The following NEDD4L variants were observed in gnomAD, a reference collection of about 807,000 sequenced individuals.
NEDD4L encodes the protein NEDD4 like E3 ubiquitin protein ligase.
Under a neutral mutation model 148.9 loss-of-function variants are expected in NEDD4L, and 54 were observed. That is an observed-to-expected ratio of 0.36 (90% CI 0.29 to 0.45). NEDD4L has a LOEUF of 0.45. NEDD4L is among the 20% of genes least tolerant of loss of function. The pLI, the probability that NEDD4L is intolerant of heterozygous loss-of-function variation, is 1.00. For synonymous variants in NEDD4L, 433 were observed against 440.7 expected, an observed-to-expected ratio of 0.98 and a Z score of 0.22; for missense variants, 856 against 1,233.8, an observed-to-expected ratio of 0.69 and a Z score of 4.59.
chr18:58,195,493 C>G, intron 2 of NEDD4L: 2 of 1,344,502 alleles, frequency 1.5e-6, no homozygotes, highest in Non-Finnish European at 2.0e-6. Flanking sequence ...CGAGGGTGCC[C>G]GGGTGGGTGG....
intron 2 of NEDD4L, among the ~76,000 whole-genome samples, chr18:58,207,769 T>C (rs921094045): frequency 1.3e-5 from 2 of 152,148 alleles, no homozygotes; most frequent in Non-Finnish European, 2.9e-5. Flanking sequence ...AGGATCCAGG[T>C]CAGGTTTTTT....
intron 1 of NEDD4L, among the ~76,000 whole-genome samples, chr18:58,162,351 C>T (rs963006356): frequency 6.6e-6 from 1 of 152,066 alleles, no homozygotes; most frequent in Non-Finnish European, 1.5e-5. Flanking sequence ...TCACCAGCTT[C>T]CCCCCATCAA....
At chr18:58,233,217 CTA>C in intron 2 of NEDD4L, among the ~76,000 whole-genome samples, 1 of 152,102 alleles carries the variant, frequency 6.6e-6, no homozygotes, top group Admixed American at 6.5e-5. Context: ...AATAATCAAA[CTA>C]ATAATAATAA....
intron 1 of NEDD4L, among the ~76,000 whole-genome samples, chr18:58,116,504 A>G (rs552456): frequency 0.43 from 65,468 of 151,920 alleles, 14,416 homozygotes; most frequent in South Asian, 0.53. Flanking sequence ...CTTCAGGTGC[A>G]TCTAATGCAG....
intron 1 of NEDD4L, among the ~76,000 whole-genome samples, chr18:58,160,961 A>G (rs2036126443): frequency 6.6e-6 from 1 of 152,136 alleles, no homozygotes; most frequent in East Asian, 1.9e-4. Flanking sequence ...CCGTATTTGC[A>G]GCTCTGTACC....
chr18:58,197,055 T>C (rs2040793259), intron 2 of NEDD4L, among the ~76,000 whole-genome samples: 1 of 152,142 alleles, frequency 6.6e-6, no homozygotes, highest in Non-Finnish European at 1.5e-5. Flanking sequence ...TCTGACCCTG[T>C]TTGCTTGATG....
chr18:58,134,128 G>A (rs1268137953), intron 1 of NEDD4L, among the ~76,000 whole-genome samples: 1 of 152,120 alleles, frequency 6.6e-6, no homozygotes, highest in Admixed American at 6.6e-5. Context: ...AGCCTCTTGA[G>A]TAGCTGGGAC....
intron 1 of NEDD4L, among the ~76,000 whole-genome samples, chr18:58,137,550 CCA>C (rs1375040129): frequency 6.6e-6 from 1 of 152,114 alleles, no homozygotes; most frequent in Non-Finnish European, 1.5e-5. Context: ...GTCGCCGAGC[CCA>C]GAGTGTGTAT....
At chr18:58,049,350 CTG>C (rs1257965766) in intron 1 of NEDD4L, among the ~76,000 whole-genome samples, 1 of 152,186 alleles carries the variant, frequency 6.6e-6, no homozygotes, top group African/African-American at 2.4e-5. Context: ...AAAAAGTGGC[CTG>C]TGTGTATTTT....
chr18:58,185,033 T>A (rs1245416155), intron 2 of NEDD4L, among the ~76,000 whole-genome samples: 1 of 152,254 alleles, frequency 6.6e-6, no homozygotes, highest in African/African-American at 2.4e-5. Flanking sequence ...GCCATTTGTT[T>A]ACAGTTTCAT....
rs182955953 is a variant in NEDD4L, at chr18:58,202,967, A to G, written c.122+37106A>G. Among the ~76,000 whole-genome samples, 46 of 151,474 alleles carry G rather than the reference A, an allele frequency of 3.0e-4. 1 individual carries two copies. In the East Asian group the frequency reaches 8.9e-3, roughly 29 times the overall value. Reference sequence around the variant, plus strand: ...ATAACTGATAATATTGGGCCTCAGTACATACTTTTTTTTTTTAAGAGACAA... The same window carrying G: ...ATAACTGATAATATTGGGCCTCAGTGCATACTTTTTTTTTTTAAGAGACAA... On this transcript the variant is annotated intron_variant, in intron 2 of 30. Transcript: ENST00000400345.
At chr18:58,325,951 C>T (rs1288586842) in intron 9 of NEDD4L, among the ~76,000 whole-genome samples, 2 of 152,114 alleles carry the variant, frequency 1.3e-5, no homozygotes, top group African/African-American at 2.4e-5. Context: ...TATGAGCTGC[C>T]TAGCAGCCAA....
intron 2 of NEDD4L, among the ~76,000 whole-genome samples, chr18:58,185,148 C>T (rs1013913287): frequency 2.0e-5 from 3 of 152,104 alleles, no homozygotes; most frequent in African/African-American, 4.8e-5. Context: ...GGCACAGGTT[C>T]CTGGTTAGCA....
At chr18:58,329,658 ATTT>A (rs1034872422) in intron 10 of NEDD4L, among the ~76,000 whole-genome samples, 67 of 135,540 alleles carry the variant, frequency 4.9e-4, no homozygotes, top group African/African-American at 1.6e-3. Flanking sequence ...ACAATGGCTA[ATTT>A]TTTTTTTTTT....
intron 16 of NEDD4L, among the ~76,000 whole-genome samples, chr18:58,343,460 A>T (rs879825001): frequency 4.6e-5 from 7 of 152,098 alleles, no homozygotes; most frequent in Admixed American, 4.6e-4. Context: ...TTTTCAAATA[A>T]TTTTTTCTTT....
intron 1 of NEDD4L, among the ~76,000 whole-genome samples, chr18:58,085,660 G>T (rs1021989609): frequency 5.3e-5 from 8 of 152,272 alleles, no homozygotes; most frequent in Non-Finnish European, 7.4e-5. Context: ...GAAAATATAG[G>T]TCCCATTGTT....
At chr18:58,271,668 G>C (rs1395229981) in intron 5 of NEDD4L, among the ~76,000 whole-genome samples, 1 of 152,174 alleles carries the variant, frequency 6.6e-6, no homozygotes, top group Non-Finnish European at 1.5e-5. Flanking sequence ...CAAGGTGTAT[G>C]GTTGATTGTG....
intron 5 of NEDD4L, among the ~76,000 whole-genome samples, chr18:58,255,073 G>A (rs1380995717): frequency 1.3e-5 from 2 of 152,218 alleles, no homozygotes; most frequent in African/African-American, 2.4e-5. Flanking sequence ...TGTGGCGGAA[G>A]GTGGGAAAAT....
intron 15 of NEDD4L, among the ~76,000 whole-genome samples, chr18:58,342,468 C>G (rs1389069560): frequency 6.6e-6 from 1 of 152,212 alleles, no homozygotes; most frequent in African/African-American, 2.4e-5. Context: ...CTTCCACACT[C>G]TGATATGAAT....
Sources: allele counts gnomAD v4.1 joint callset (sites outside exome capture counted in the v4.1 genomes callset), GRCh38; gene constraint gnomAD v4.1.1; transcripts MANE v1.5; gene names NCBI Gene and HGNC (gene_info 2026-07-23, HGNC 2026-07-21).